Variants in NETO2 observed in about 807,000 individuals in gnomAD.
NETO2 encodes the protein neuropilin and tolloid like 2.
NETO2 carries 28 observed loss-of-function variants against 62.5 expected under a neutral mutation model. That is an observed-to-expected ratio of 0.45 (90% CI 0.33 to 0.61). The LOEUF is 0.61. NETO2 is among the 20% of genes least tolerant of loss of function. The probability of loss-of-function intolerance (pLI) is 0.02; values close to 1 mark genes in which losing one functional copy is unlikely to be tolerated. For synonymous variants in NETO2, 214 were observed against 219.1 expected (o/e 0.98, Z 0.21); for missense variants, 548 against 643.2 (o/e 0.85, Z 1.60).
rs74560591 is a variant in NETO2 at position 47,082,391 on chromosome 16, T to C, written c.*830A>G. ...TGAAATGATTCTTTACTGGAATGAA[T>C]GGGCTGTCACTGAATGTGACTATAC... On this transcript the variant is annotated 3_prime_UTR_variant, in exon 9 of 9. Coordinates refer to ENST00000562435, the MANE Select transcript of NETO2 (RefSeq NM_018092.5). 18 of 152,350 alleles carry C rather than the reference T, an allele frequency of 1.2e-4. No homozygotes were observed. The East Asian group carries it at 3.3e-3, about 28-fold the overall frequency. 9.4% of individuals were successfully genotyped at this position (152,350 alleles called of 1,614,324 possible).
At chr16:47,092,473 G>C (rs1428347331) in intron 7 of NETO2, among the ~76,000 whole-genome samples, 2 of 152,138 alleles carry the variant, frequency 1.3e-5, no homozygotes, top group Non-Finnish European at 2.9e-5. Flanking sequence ...CTGACATCTG[G>C]GAGGCGTTTT....
chr16:47,099,404 T>G (rs565900129), intron 7 of NETO2, among the ~76,000 whole-genome samples: 1 of 152,230 alleles, frequency 6.6e-6, no homozygotes, highest in East Asian at 1.9e-4. Context: ...CTGCAACAAC[T>G]AATGGGCAAA....
intron 6 of NETO2, among the ~76,000 whole-genome samples, chr16:47,116,175 T>TA (rs1963918430): frequency 6.6e-6 from 1 of 150,902 alleles, no homozygotes; most frequent in Non-Finnish European, 1.5e-5. Flanking sequence ...GACAGGCTCT[T>TA]ACTATGATGT....
intron 6 of NETO2, among the ~76,000 whole-genome samples, chr16:47,117,336 A>G (rs1277483469): frequency 1.3e-5 from 2 of 152,212 alleles, no homozygotes; most frequent in African/African-American, 4.8e-5. Context: ...TGATGTGTGC[A>G]GGTATTGCTT....
chr16:47,121,494 G>A (rs1205518545), intron 6 of NETO2, among the ~76,000 whole-genome samples: 3 of 152,166 alleles, frequency 2.0e-5, no homozygotes, highest in African/African-American at 7.2e-5. Flanking sequence ...AATAAAGGCA[G>A]GGTTTCTAAG....
At chr16:47,131,850 T>C (rs1964271612) in intron 2 of NETO2, 119 bp downstream of exon 2, 2 of 783,240 alleles carry the variant, frequency 2.6e-6, no homozygotes, top group South Asian at 2.9e-5. Context: ...ACAGAAAGCC[T>C]TAGGTCACTG....
chr16:47,116,142 G>GTTT (rs150157077), intron 6 of NETO2, among the ~76,000 whole-genome samples: 10 of 131,494 alleles, frequency 7.6e-5, no homozygotes, highest in African/African-American at 1.9e-4. Context: ...AGGGTTTTCT[G>GTTT]TTTTTTTTTT....
At chr16:47,137,797 A>C (rs1964388840) in intron 1 of NETO2, among the ~76,000 whole-genome samples, 1 of 152,222 alleles carries the variant, frequency 6.6e-6, no homozygotes, top group South Asian at 2.1e-4. Flanking sequence ...CTTCTATGTT[A>C]GCATTAGGTT....
At chr16:47,099,377 T>C (rs922506796) in intron 7 of NETO2, among the ~76,000 whole-genome samples, 11 of 152,160 alleles carry the variant, frequency 7.2e-5, no homozygotes, top group African/African-American at 2.7e-4. Context: ...TTAAAGACCA[T>C]TGACACTATG....
At chr16:47,110,370 C>T (rs971798764) in intron 6 of NETO2, among the ~76,000 whole-genome samples, 1 of 152,176 alleles carries the variant, frequency 6.6e-6, no homozygotes, top group African/African-American at 2.4e-5. Flanking sequence ...CTAAATGGTT[C>T]TAAGTTATTT....
intron 7 of NETO2, among the ~76,000 whole-genome samples, chr16:47,108,471 C>T (rs1963719047): frequency 6.6e-6 from 1 of 152,196 alleles, no homozygotes; most frequent in African/African-American, 2.4e-5. Flanking sequence ...CCCTGCTTCA[C>T]TGACATGATG....
chr16:47,118,361 G>C (rs981209625), intron 6 of NETO2, among the ~76,000 whole-genome samples: 1 of 152,198 alleles, frequency 6.6e-6, no homozygotes, highest in Admixed American at 6.5e-5. Flanking sequence ...ACCTCAGAAA[G>C]AAAGCCTGCA....
intron 1 of NETO2, among the ~76,000 whole-genome samples, chr16:47,143,192 AAG>A (rs1964499902): frequency 6.6e-6 from 1 of 152,114 alleles, no homozygotes; most frequent in African/African-American, 2.4e-5. Context: ...CATCTGGAGA[AAG>A]AGCGGCCTCC....
At chr16:47,110,146 C>T (rs1963763846) in intron 6 of NETO2, among the ~76,000 whole-genome samples, 1 of 152,224 alleles carries the variant, frequency 6.6e-6, no homozygotes, top group South Asian at 2.1e-4. Context: ...AAGATATACA[C>T]ATCCTACTTT....
intron 2 of NETO2, among the ~76,000 whole-genome samples, chr16:47,130,930 G>A (rs1231238047): frequency 6.6e-6 from 1 of 152,026 alleles, no homozygotes; most frequent in Non-Finnish European, 1.5e-5. Context: ...AGTTGAGGAA[G>A]TCTCAGCGAA....
intron 7 of NETO2, among the ~76,000 whole-genome samples, chr16:47,109,024 C>T (rs991989032): frequency 2.6e-5 from 4 of 152,192 alleles, no homozygotes; most frequent in African/African-American, 9.7e-5. Flanking sequence ...TAAGTCTTCC[C>T]TGTCTGCAAT....
intron 4 of NETO2, 26 bp downstream of exon 4, chr16:47,128,299 C>T: frequency 6.2e-7 from 1 of 1,600,978 alleles, no homozygotes. Context: ...GATGCCCAAC[C>T]ACTTAAAAGA....
intron 3 of NETO2, among the ~76,000 whole-genome samples, 191 bp downstream of exon 3, chr16:47,129,033 A>C (rs1001665403): frequency 2.0e-5 from 3 of 152,232 alleles, no homozygotes; most frequent in African/African-American, 7.2e-5. Context: ...TGGGAGATTC[A>C]AACTTCCCCT....
At chr16:47,091,525 A>G (rs995201093) in intron 7 of NETO2, among the ~76,000 whole-genome samples, 4 of 152,222 alleles carry the variant, frequency 2.6e-5, no homozygotes, top group Admixed American at 6.5e-5. Context: ...TGACTTATAT[A>G]GTTTATTTAA....
Sources: allele counts gnomAD v4.1 joint callset (sites outside exome capture counted in the v4.1 genomes callset), GRCh38; gene constraint gnomAD v4.1.1; transcripts MANE v1.5; gene names NCBI Gene and HGNC (gene_info 2026-07-23, HGNC 2026-07-21).